Variants in ELAVL4 observed in about 807,000 individuals in gnomAD.
ELAVL4 encodes ELAV-like protein 4.
Under a neutral mutation model 35.6 loss-of-function variants are expected in ELAVL4, and 1 was observed. The observed-to-expected ratio is 0.03, with a 90% CI of 0.01 to 0.13. The LOEUF (loss-of-function observed/expected upper bound fraction) is 0.13, where lower values mean the gene tolerates loss of function less well. Among genes scored for constraint, ELAVL4 ranks in the 10% least tolerant of loss-of-function variants. The probability of loss-of-function intolerance (pLI) is 1.00; values close to 1 mark genes in which losing one functional copy is unlikely to be tolerated. For synonymous variants in ELAVL4, 156 were observed against 171.0 expected (o/e 0.91, Z 0.69); for missense variants, 267 against 464.9 (o/e 0.57, Z 3.91).
chr1:50,086,665 A>C (rs1007977921), intron 1 of ELAVL4, among the ~76,000 whole-genome samples: 2 of 152,062 alleles, frequency 1.3e-5, no homozygotes, highest in African/African-American at 4.8e-5. Flanking sequence ...CATGCATTCT[A>C]TATAAGAGAT....
chr1:50,103,954 C>G, upstream of ELAVL4: 1 of 1,613,962 alleles, frequency 6.2e-7, no homozygotes, highest in Non-Finnish European at 8.5e-7. Flanking sequence ...TGCTCTGGAA[C>G]TGCCCTAATC....
At chr1:50,144,269 G>A (rs761260775) in intron 1 of ELAVL4, among the ~76,000 whole-genome samples, 2 of 152,030 alleles carry the variant, frequency 1.3e-5, no homozygotes, top group African/African-American at 2.4e-5. Flanking sequence ...AGCCTCAGGC[G>A]GTGCTGGACC....
chr1:50,053,723 T>C (rs1291346949), intron 1 of ELAVL4, among the ~76,000 whole-genome samples: 4 of 152,110 alleles, frequency 2.6e-5, no homozygotes, highest in Admixed American at 2.0e-4. Flanking sequence ...TGAACAAAAC[T>C]CAGCTATCCC....
At chr1:50,153,747 T>G (rs1004535948) in intron 2 of ELAVL4, among the ~76,000 whole-genome samples, 1 of 152,142 alleles carries the variant, frequency 6.6e-6, no homozygotes, top group African/African-American at 2.4e-5. Flanking sequence ...TAACCCCCAA[T>G]GTAATAGTTT....
At chr1:50,090,471 T>G (rs971214620) in intron 1 of ELAVL4, among the ~76,000 whole-genome samples, 1 of 151,930 alleles carries the variant, frequency 6.6e-6, no homozygotes, top group Non-Finnish European at 1.5e-5. Context: ...AAAAAAAAAA[T>G]TGAACAGTAT....
intron 2 of ELAVL4, among the ~76,000 whole-genome samples, chr1:50,147,399 C>A (rs2148699943): frequency 6.6e-6 from 1 of 152,268 alleles, no homozygotes; most frequent in East Asian, 1.9e-4. Context: ...CCCTGCTGTA[C>A]CATTCCATAG....
intron 1 of ELAVL4, among the ~76,000 whole-genome samples, chr1:50,053,469 C>T (rs1284581919): frequency 1.3e-5 from 2 of 152,178 alleles, no homozygotes; most frequent in East Asian, 1.9e-4. Flanking sequence ...CAACCTCAGC[C>T]TCCTGAGTAG....
intron 1 of ELAVL4, among the ~76,000 whole-genome samples, chr1:50,143,333 T>C (rs1280634963): frequency 6.6e-6 from 1 of 152,212 alleles, no homozygotes; most frequent in Non-Finnish European, 1.5e-5. Flanking sequence ...CTACTAGTTA[T>C]CAGATGTCTG....
chr1:50,135,219 A>G (rs1316013659), intron 1 of ELAVL4, among the ~76,000 whole-genome samples: 1 of 152,136 alleles, frequency 6.6e-6, no homozygotes, highest in African/African-American at 2.4e-5. Flanking sequence ...CGCTTACCTC[A>G]TTGTTACAAA....
chr1:50,194,065 C>T lies in ELAVL4; in HGVS notation c.508+147C>T, dbSNP rs1031119777. The T allele has an allele frequency of 2.9e-5, 31 of 1,063,032 alleles. 3 individuals carry two copies. In the South Asian group the frequency reaches 4.9e-4, roughly 17 times the overall value. 65.8% of individuals were successfully genotyped at this position (1,063,032 alleles called of 1,614,324 possible). ...TTGACTTGGAAGAAAGACTTCTTAT[C>T]GGTCAACTGCCCAAATTTAAAATGG... On this transcript the variant is annotated intron_variant, in intron 4 of 6. Coordinates refer to ENST00000371824, the MANE Select transcript of ELAVL4 (RefSeq NM_001144774.3).
rs1176435092 is a variant in ELAVL4, at chr1:50,195,550, T to C, written c.509-11T>C. 6.2e-7 allele frequency: 1 copy of C among 1,613,300 alleles called. No individual in the cohort carries two copies. The highest frequency in any genetic ancestry group is 2.2e-5 in the East Asian group (1 of 44,870). On this transcript the variant is annotated splice_polypyrimidine_tract_variant and intron_variant, in intron 4 of 6. Transcript: ENST00000371824. ...GTTCACTCTTTACAAAGGCTCTTTC[T>C]CTTTCCCCAGGAGTGTCCAGAGGGG...
chr1:50,076,272 G>T (rs981622896), intron 1 of ELAVL4, among the ~76,000 whole-genome samples: 5 of 152,170 alleles, frequency 3.3e-5, no homozygotes, highest in African/African-American at 1.2e-4. Context: ...CAGTTTCAGT[G>T]ACCCTTGGTA....
intron 3 of ELAVL4, among the ~76,000 whole-genome samples, chr1:50,182,948 C>A (rs1681268514): frequency 6.6e-6 from 1 of 151,932 alleles, no homozygotes; most frequent in Admixed American, 6.5e-5. Context: ...ACCTCCACCT[C>A]CCGGGATCAA....
At chr1:50,153,689 T>G (rs1675209793) in intron 2 of ELAVL4, among the ~76,000 whole-genome samples, 1 of 152,210 alleles carries the variant, frequency 6.6e-6, no homozygotes, top group African/African-American at 2.4e-5. Flanking sequence ...AGAGACATTG[T>G]TATGGAATGA....
chr1:50,075,690 T>C (rs1451708877), intron 1 of ELAVL4, among the ~76,000 whole-genome samples: 1 of 152,200 alleles, frequency 6.6e-6, no homozygotes, highest in Non-Finnish European at 1.5e-5. Context: ...TTTACGATGG[T>C]GTGAAAGCAA....
intron 1 of ELAVL4, among the ~76,000 whole-genome samples, chr1:50,119,040 G>GA (rs1375284026): frequency 8.6e-5 from 4 of 46,336 alleles, no homozygotes; most frequent in Non-Finnish European, 1.9e-4. Flanking sequence ...GAAAGAAAAA[G>GA]AAAGAAAGAA....
chr1:50,068,287 T>A (rs960622347), intron 1 of ELAVL4, among the ~76,000 whole-genome samples: 1 of 152,154 alleles, frequency 6.6e-6, no homozygotes. Flanking sequence ...GATGTCTTCA[T>A]GCAAGAGCAG....
rs570156076 is a variant in ELAVL4 at position 50,064,386 on chromosome 1, C to G, written c.18+16204C>G. Among the ~76,000 whole-genome samples, 15 of 152,172 alleles carry G rather than the reference C, an allele frequency of 9.9e-5. No individual in the cohort carries two copies. The South Asian group carries it at 3.1e-3, about 32-fold the overall frequency. ...TGCATGGCTTGCATTGCTTCTTGGC[C>G]CTTTTCTCTATCTTTTTTTCTACTC... On this transcript the variant is annotated intron_variant, in intron 1 of 6. Coordinates refer to the ELAVL4 transcript ENST00000448907.
chr1:50,107,008 A>G (rs1015720715), upstream of ELAVL4, among the ~76,000 whole-genome samples: 1 of 152,202 alleles, frequency 6.6e-6, no homozygotes, highest in Non-Finnish European at 1.5e-5. Flanking sequence ...ATTTTGTTCC[A>G]AGTGAGCTGT....
Sources: allele counts gnomAD v4.1 joint callset (sites outside exome capture counted in the v4.1 genomes callset), GRCh38; gene constraint gnomAD v4.1.1; transcripts MANE v1.5; gene names NCBI Gene and HGNC (gene_info 2026-07-23, HGNC 2026-07-21).